Variants in HMGA1 observed in about 807,000 individuals in gnomAD.
The protein encoded by HMGA1 is high mobility group protein HMG-I/HMG-Y.
In HMGA1, 1 loss-of-function variant was observed where a neutral mutation model predicts 15.1. That is an observed-to-expected ratio of 0.07 (90% CI 0.02 to 0.31). HMGA1 has a LOEUF of 0.31. HMGA1 is among the 10% of genes least tolerant of loss of function. The pLI is 1.00. For synonymous variants in HMGA1, 56 were observed against 54.8 expected, an observed-to-expected ratio of 1.02 and a Z score of -0.10; for missense variants, 94 against 141.4, an observed-to-expected ratio of 0.66 and a Z score of 1.70.
At chr6:34,238,394 G>C (rs969711815) in intron 2 of HMGA1, among the ~76,000 whole-genome samples, 1 of 152,244 alleles carries the variant, frequency 6.6e-6, no homozygotes, top group African/African-American at 2.4e-5. Flanking sequence ...GGTAGGCAAA[G>C]TGTCGGGTTG....
chr6:34,241,164 A>G lies in HMGA1; in HGVS notation c.135+249A>G, dbSNP rs575952899. Among the ~76,000 whole-genome samples, 9 of 152,320 alleles carry G rather than the reference A, an allele frequency of 5.9e-5. No individual in the cohort carries two copies. In the South Asian group the frequency reaches 8.3e-4, roughly 14 times the overall value. ...ATAAATTCTGAAGCCAATGGCAAAC[A>G]GTCCAAACCTAAAGCACCCCAGAGG... On this transcript the variant is annotated intron_variant, in intron 3 of 5. Coordinates refer to ENST00000311487, the MANE Select transcript of HMGA1 (RefSeq NM_145899.3).
intron 2 of HMGA1, among the ~76,000 whole-genome samples, chr6:34,237,634 C>A (rs1303735455): frequency 6.8e-6 from 1 of 147,812 alleles, no homozygotes; most frequent in Non-Finnish European, 1.5e-5. Flanking sequence ...GTGCACCCGG[C>A]GGAGCCCGGA....
chr6:34,240,145 G>T (rs187003600), intron 2 of HMGA1, among the ~76,000 whole-genome samples: 1 of 152,314 alleles, frequency 6.6e-6, no homozygotes, highest in East Asian at 1.9e-4. Context: ...ACAGAGAAGA[G>T]AGCTGGTGGT....
chr6:34,238,810 T>TG (rs1217034643), intron 2 of HMGA1: 4 of 144,782 alleles, frequency 2.8e-5, no homozygotes, highest in South Asian at 2.3e-4. Flanking sequence ...CAGCAAGAGG[T>TG]GGGGGGAGGC....
At chr6:34,243,816 T>C (rs1762492336) in intron 5 of HMGA1, among the ~76,000 whole-genome samples, 1 of 152,070 alleles carries the variant, frequency 6.6e-6, no homozygotes, top group Admixed American at 6.5e-5. Context: ...GGGGAGATCT[T>C]GGAAGTCATC....
At chr6:34,242,671 C>A in intron 3 of HMGA1, 41 bp from the exon 4 acceptor site, 1 of 1,386,648 alleles carries the variant, frequency 7.2e-7, no homozygotes, top group Non-Finnish European at 1.0e-6. Context: ...GGGGTGGAAA[C>A]AGGTGATGAC....
At chr6:34,240,676 TGAG>T in intron 2 of HMGA1, 58 bp from the exon 3 acceptor site, 1 of 1,317,466 alleles carries the variant, frequency 7.6e-7, no homozygotes, top group Non-Finnish European at 1.1e-6. Context: ...GTGTGGGTGA[TGAG>T]GGGGTAGAAA....
intron 5 of HMGA1, among the ~76,000 whole-genome samples, chr6:34,243,941 G>T (rs1387493404): frequency 6.6e-6 from 1 of 152,074 alleles, no homozygotes; most frequent in East Asian, 1.9e-4. Context: ...CCTGGGAGGG[G>T]TCGGTGCTGG....
chr6:34,242,805 G>C lies in HMGA1; in HGVS notation c.219+10G>C. ...TGCTGCCAAGACCCGGGTGAGACTT[G>C]AGATGGGACTACCCCTGGGTGGATG... On this transcript the variant is annotated intron_variant, in intron 4 of 5. Coordinates refer to ENST00000311487, the MANE Select transcript of HMGA1 (RefSeq NM_145899.3). 1 of 1,569,012 alleles carries C rather than the reference G, an allele frequency of 6.4e-7. No homozygotes were observed. The highest frequency in any genetic ancestry group is 8.7e-7 in the Non-Finnish European group (1 of 1,152,708).
Position 34,245,790 on chromosome 6 carries a change from C to G in HMGA1, c.*906C>G, listed in dbSNP as rs1762701523. On this transcript the variant is annotated 3_prime_UTR_variant, in exon 6 of 6. Coordinates refer to ENST00000311487, the MANE Select transcript of HMGA1 (RefSeq NM_145899.3). ...CACCCTGCCCGCTCCCAACCCCCCTCCTGCTCCTCCCTGCCCCCCAAGGTT... is the reference window on the plus strand; with the variant it reads ...CACCCTGCCCGCTCCCAACCCCCCTGCTGCTCCTCCCTGCCCCCCAAGGTT... 3 of 417,518 alleles carry G rather than the reference C, an allele frequency of 7.2e-6. No individual in the cohort carries two copies. The highest frequency in any genetic ancestry group is 7.3e-4 in the Middle Eastern group (1 of 1,366). 25.9% of individuals were successfully genotyped at this position (417,518 alleles called of 1,614,324 possible). A position where few individuals can be genotyped will look rare whatever the true frequency, so the allele number is the denominator to read the frequency against.
At chr6:34,241,051 C>A in intron 3 of HMGA1, 136 bp downstream of exon 3, 1 of 1,016,832 alleles carries the variant, frequency 9.8e-7, no homozygotes, top group Non-Finnish European at 1.5e-6. Context: ...GTGTGTCCTC[C>A]CACCTGTGTG....
chr6:34,238,162 C>T (rs1275603228), intron 2 of HMGA1, among the ~76,000 whole-genome samples: 2 of 152,166 alleles, frequency 1.3e-5, no homozygotes, highest in African/African-American at 4.8e-5. Context: ...GGTGCCCCCT[C>T]TGGCAGGAAG....
chr6:34,241,520 CAA>C (rs1306516081), intron 3 of HMGA1, among the ~76,000 whole-genome samples: 1 of 152,168 alleles, frequency 6.6e-6, no homozygotes, highest in East Asian at 1.9e-4. Flanking sequence ...CCCAAGAAGT[CAA>C]AAATGTTGGG....
At position 34,246,020 on chromosome 6, in the gene HMGA1, C is replaced by T. The variant is rs1489111752; in HGVS notation, c.*1136C>T. 2.3e-5 allele frequency: 6 copies of T among 263,404 alleles called. No homozygotes were observed. The highest frequency in any genetic ancestry group is 6.3e-5 in the East Asian group (1 of 15,832). 16.3% of individuals were successfully genotyped at this position (263,404 alleles called of 1,614,324 possible). A position where few individuals can be genotyped will look rare whatever the true frequency, so the allele number is the denominator to read the frequency against. On this transcript the variant is annotated 3_prime_UTR_variant, in exon 6 of 6. Coordinates refer to ENST00000311487, the MANE Select transcript of HMGA1 (RefSeq NM_145899.3). The stretch of plus-strand genomic sequence containing the variant: ...GCTGGGGCATGGCAGGCTGGGTGAC[C>T]GACTACCCCAGTCCCAGGGAAGGTG...
At position 34,245,003 on chromosome 6, in the gene HMGA1, C is replaced by T; in HGVS notation, c.*119C>T. On this transcript the variant is annotated 3_prime_UTR_variant, in exon 6 of 6. Transcript: ENST00000311487. ...GGCCCACCATCACCACCGCCTCTGG[C>T]CGCCACCCCCATCTTCCACCTGTGC... The T allele has an allele frequency of 2.0e-6, 3 of 1,512,262 alleles. No homozygotes were observed. The highest frequency in any genetic ancestry group is 2.7e-6 in the Non-Finnish European group (3 of 1,122,606). The allele number at this position is 1,512,262 out of a possible 1,614,324, so 93.7% of individuals were successfully genotyped here. A position where few individuals can be genotyped will look rare whatever the true frequency, so the allele number is the denominator to read the frequency against.
chr6:34,238,226 C>T (rs993702920), intron 2 of HMGA1, among the ~76,000 whole-genome samples: 1 of 151,968 alleles, frequency 6.6e-6, no homozygotes, highest in Admixed American at 6.6e-5. Flanking sequence ...CGCTGCTTTC[C>T]CGCGCCTGCA....
chr6:34,238,195 G>T (rs1761976574), intron 2 of HMGA1, among the ~76,000 whole-genome samples: 1 of 152,084 alleles, frequency 6.6e-6, no homozygotes. Context: ...CACCCGCGTG[G>T]CGGTGCATGC....
In HMGA1 at chr6:34,246,096, G is replaced by A. The variant is rs41269030; in HGVS notation, c.*1212G>A. On this transcript the variant is annotated 3_prime_UTR_variant, in exon 6 of 6. Coordinates refer to ENST00000311487, the MANE Select transcript of HMGA1 (RefSeq NM_145899.3). Reference sequence around the variant, plus strand: ...CAGAGTGAGCAAGGGGGCCCAAATCGACCATAAAGGGTGTAGGGGCCACCT... The same window carrying A: ...CAGAGTGAGCAAGGGGGCCCAAATCAACCATAAAGGGTGTAGGGGCCACCT... The A allele has an allele frequency of 6.1e-3, 1,470 of 239,900 alleles. 14 individuals are homozygous for A. Among genetic ancestry groups the A allele is most frequent in the Admixed American group, 9.8e-3 (185 of 18,848 alleles). 14.9% of individuals were successfully genotyped at this position (239,900 alleles called of 1,614,324 possible). A position where few individuals can be genotyped will look rare whatever the true frequency, so the allele number is the denominator to read the frequency against.
At chr6:34,244,706 C>T (rs1762586466) in intron 5 of HMGA1, 125 bp from the exon 6 acceptor site, 3 of 782,202 alleles carry the variant, frequency 3.8e-6, no homozygotes, top group Admixed American at 4.0e-5. Flanking sequence ...GTCACCCACA[C>T]ACTCAGCCCT....
Sources: allele counts gnomAD v4.1 joint callset (sites outside exome capture counted in the v4.1 genomes callset), GRCh38; gene constraint gnomAD v4.1.1; transcripts MANE v1.5; gene names NCBI Gene and HGNC (gene_info 2026-07-23, HGNC 2026-07-21).